The following RIC1 variants were observed in gnomAD, a reference collection of about 807,000 sequenced individuals.
RIC1 encodes RIC1 partner of RAB6A GEF complex.
In RIC1, 88 loss-of-function variants were observed where a neutral mutation model predicts 169.0. The observed-to-expected ratio is 0.52, with a 90% confidence interval of 0.44 to 0.62. The LOEUF is 0.62. Ranked by LOEUF, RIC1 falls within the 20% of genes least tolerant of loss-of-function variation. RIC1 has a pLI of 0.00. For synonymous variants in RIC1, 790 were observed against 601.5 expected (o/e 1.31, Z -4.59); for missense variants, 1,877 against 1,725.5 (o/e 1.09, Z -1.56).
chr9:5,655,393 C>T (rs1389991698), intron 1 of RIC1, among the ~76,000 whole-genome samples: 4 of 152,078 alleles, frequency 2.6e-5, no homozygotes, highest in African/African-American at 9.7e-5. Flanking sequence ...CTCCACCTCT[C>T]AGGTTCAAGT....
chr9:5,764,354 C>T (rs1414572552), intron 19 of RIC1, among the ~76,000 whole-genome samples: 4 of 152,128 alleles, frequency 2.6e-5, no homozygotes, highest in African/African-American at 7.2e-5. Flanking sequence ...GCTAGTCTTC[C>T]CCAAAGCAAG....
intron 1 of RIC1, among the ~76,000 whole-genome samples, chr9:5,643,686 T>C (rs1366980976): frequency 6.6e-6 from 1 of 152,240 alleles, no homozygotes; most frequent in Non-Finnish European, 1.5e-5. Context: ...TTTTTTCCTA[T>C]GTGATTGTTT....
chr9:5,697,675 C>T (rs1821983891), intron 3 of RIC1, among the ~76,000 whole-genome samples: 1 of 152,058 alleles, frequency 6.6e-6, no homozygotes, highest in Non-Finnish European at 1.5e-5. Flanking sequence ...TGAGCCTTTC[C>T]AGAATTATGG....
In RIC1 at chr9:5,756,231, C is replaced by G. The variant is rs145279831; in HGVS notation, c.1712C>G (p.Thr571Arg). 6.3e-7 allele frequency: 1 copy of G among 1,575,098 alleles called. No homozygotes were observed. The highest frequency in any genetic ancestry group is 1.4e-5 in the African/African-American group (1 of 73,842). ...CTTCAGCTTAGAGTATACTTGCGAA[C>G]ATCAAATCTGGACAATGCCTTTGCT... ...RQEELRVYLRTSNLDNAFAHV... is the reference protein window; with the variant it reads ...RQEELRVYLRRSNLDNAFAHV... Residue 571 changes from threonine (T) to arginine (R), a missense_variant, in exon 16 of 26, where the codon ACA becomes AGA. Transcript: ENST00000414202.
At chr9:5,758,719 CTTCT>C (rs1461148945) in intron 17 of RIC1, among the ~76,000 whole-genome samples, 7 of 135,834 alleles carry the variant, frequency 5.2e-5, no homozygotes, top group Admixed American at 2.1e-4. Flanking sequence ...CTTGGTCTCC[CTTCT>C]TTTTTTTTTT....
At chr9:5,731,655 A>G (rs1212992073) in intron 6 of RIC1, among the ~76,000 whole-genome samples, 1 of 152,170 alleles carries the variant, frequency 6.6e-6, no homozygotes, top group Non-Finnish European at 1.5e-5. Context: ...TATTCTCTAT[A>G]TATGGAGATG....
chr9:5,677,366 A>T (rs1820512922), intron 2 of RIC1, among the ~76,000 whole-genome samples: 1 of 152,140 alleles, frequency 6.6e-6, no homozygotes, highest in Non-Finnish European at 1.5e-5. Flanking sequence ...CCATTTTTTT[A>T]GATGGGATCC....
chr9:5,765,498 C>A lies in RIC1; in HGVS notation c.2926C>A (p.Arg976=). The stretch of plus-strand genomic sequence containing the variant: ...AGAACAAGGCAAGTGGGACCTTTGT[C>A]GACACATGATTCGATTTCTTAAAGC... ...ALEQGKWDLC[R]HMIRFLKAIG... is the part of the protein sequence containing the mutation. The change falls in exon 20 of 26, where the codon CGA becomes AGA. Residue 976 remains arginine, a synonymous_variant. Coordinates refer to ENST00000414202, the MANE Select transcript of RIC1 (RefSeq NM_020829.4). 6.2e-7 allele frequency: 1 copy of A among 1,614,158 alleles called. No individual in the cohort carries two copies. Among genetic ancestry groups the A allele is most frequent in the Non-Finnish European group, 8.5e-7 (1 of 1,179,994 alleles).
chr9:5,678,320 G>C (rs1820586947), intron 2 of RIC1, among the ~76,000 whole-genome samples: 1 of 152,096 alleles, frequency 6.6e-6, no homozygotes, highest in African/African-American at 2.4e-5. Context: ...GTGTGCATGT[G>C]TCTTTATAGC....
In RIC1 at chr9:5,775,479, G is replaced by C. The variant is rs1364550258; in HGVS notation, c.*1233G>C. 1.3e-5 allele frequency: 2 copies of C among 152,072 alleles called. No individual in the cohort carries two copies. The highest frequency in any genetic ancestry group is 2.9e-5 in the Non-Finnish European group (2 of 68,002). The allele number at this position is 152,072 out of a possible 1,614,324, so 9.4% of individuals were successfully genotyped here. ...TGTTTGTACTGTGCAATTTGAACAA[G>C]GAATGCAATGTTATTTTTTACAAAA... is the stretch of plus-strand genomic sequence containing the variant. On this transcript the variant is annotated 3_prime_UTR_variant, in exon 26 of 26. Transcript: ENST00000414202.
At chr9:5,655,234 A>T (rs372569756) in intron 1 of RIC1, among the ~76,000 whole-genome samples, 1 of 152,032 alleles carries the variant, frequency 6.6e-6, no homozygotes, top group African/African-American at 2.4e-5. Flanking sequence ...ATTTCTTTCT[A>T]TTCCCGAGAG....
chr9:5,765,854 C>G, intron 21 of RIC1, 56 bp downstream of exon 21: 5 of 1,583,182 alleles, frequency 3.2e-6, no homozygotes, highest in African/African-American at 1.4e-5. Flanking sequence ...CATTGCATTT[C>G]AAGACATTTA....
At chr9:5,696,839 G>A (rs1484683163) in intron 3 of RIC1, among the ~76,000 whole-genome samples, 2 of 152,164 alleles carry the variant, frequency 1.3e-5, no homozygotes, top group Admixed American at 6.5e-5. Flanking sequence ...AAAGAGTATT[G>A]AAGGTTGTTT....
In RIC1 at chr9:5,769,142, G is replaced by A; in HGVS notation, c.3310G>A (p.Val1104Ile). ...CAAGGAACGTACCCGAGCCGCCCGG[G>A]TAGACAACTTTGTAATAGCCCTGAA... is the stretch of plus-strand genomic sequence containing the variant. ...LCKERTRAAR[V>I]DNFVIALKRL... is the part of the protein sequence containing the mutation. The change falls in exon 22 of 26, where the codon GTA (valine) becomes ATA (isoleucine). Residue 1104 changes from valine to isoleucine, a missense_variant. Physicochemically the swap from Val to Ile is conservative, Grantham distance 29 (BLOSUM62 3). Coordinates refer to ENST00000414202, the MANE Select transcript of RIC1 (RefSeq NM_020829.4). 3 of 1,614,090 alleles carry A rather than the reference G, an allele frequency of 1.9e-6. No individual in the cohort carries two copies. Among genetic ancestry groups the A allele is most frequent in the Admixed American group, 1.7e-5 (1 of 60,020 alleles).
At chr9:5,739,378 T>C (rs1824926625) in intron 8 of RIC1, among the ~76,000 whole-genome samples, 1 of 152,176 alleles carries the variant, frequency 6.6e-6, no homozygotes, top group South Asian at 2.1e-4. Context: ...ATCAATAAAT[T>C]CAGCCTGATC....
chr9:5,710,150 A>C (rs939723331), intron 3 of RIC1, among the ~76,000 whole-genome samples: 11 of 152,192 alleles, frequency 7.2e-5, no homozygotes, highest in African/African-American at 2.7e-4. Flanking sequence ...GATAAAAAGC[A>C]CCTTGTTTTA....
intron 2 of RIC1, among the ~76,000 whole-genome samples, chr9:5,659,095 A>G (rs142914690): frequency 5.9e-5 from 9 of 152,240 alleles, no homozygotes; most frequent in African/African-American, 2.2e-4. Flanking sequence ...TAGTGGATGT[A>G]TATTACCAAA....
chr9:5,732,035 C>G (rs1442613375), intron 6 of RIC1, among the ~76,000 whole-genome samples: 2 of 152,198 alleles, frequency 1.3e-5, no homozygotes, highest in Non-Finnish European at 2.9e-5. Context: ...TTACAGTGAG[C>G]AAGTTAGATG....
At chr9:5,733,169 A>G (rs1024477227) in intron 7 of RIC1, among the ~76,000 whole-genome samples, 2 of 151,566 alleles carry the variant, frequency 1.3e-5, no homozygotes, top group East Asian at 1.9e-4. Flanking sequence ...AAAAAATCCT[A>G]TGTTGCCCTC....
Sources: allele counts gnomAD v4.1 joint callset (sites outside exome capture counted in the v4.1 genomes callset), GRCh38; gene constraint gnomAD v4.1.1; transcripts MANE v1.5; gene names NCBI Gene and HGNC (gene_info 2026-07-23, HGNC 2026-07-21).